ZKSCAN2: variants seen among roughly 807,000 people sequenced by gnomAD.
ZKSCAN2 encodes zinc finger with KRAB and SCAN domains 2.
Under a neutral mutation model 90.5 loss-of-function variants are expected in ZKSCAN2, and 38 were observed. The ratio of observed to expected loss-of-function variants is 0.42; its 90% CI spans 0.32 to 0.55. The LOEUF (loss-of-function observed/expected upper bound fraction) is 0.55. ZKSCAN2 is among the 20% of genes least tolerant of loss of function. The pLI is 0.11. For synonymous variants in ZKSCAN2, 429 were observed against 421.6 expected (o/e 1.02, Z -0.22); for missense variants, 1,167 against 1,202.6 (o/e 0.97, Z 0.44).
chr16:25,256,887 T>C lies in ZKSCAN2; in HGVS notation c.241A>G (p.Lys81Glu). ...ACCAGCAGCTCAAGTATTTGCTCCT[T>C]GGAACGCATTTCTGGCTTCAGCCAC... Reference protein sequence around the residue: ...CRWLKPEMRSKEQILELLVIE... With the variant: ...CRWLKPEMRSEEQILELLVIE... The change falls in exon 1 of 7, where the codon AAG becomes GAG. Residue 81 changes from lysine to glutamate, a missense_variant. Transcript: ENST00000328086. 6.2e-7 allele frequency: 1 copy of C among 1,614,224 alleles called. No homozygotes were observed. Among genetic ancestry groups the C allele is most frequent in the Non-Finnish European group, 8.5e-7 (1 of 1,180,044 alleles).
Position 25,240,702 on chromosome 16 carries a change from G to T in ZKSCAN2, c.2018C>A (p.Thr673Lys). The change falls in exon 7 of 7, where the codon ACA becomes AAA. Residue 673 changes from threonine (T) to lysine (K), a missense_variant. Coordinates refer to ENST00000328086, the MANE Select transcript of ZKSCAN2 (RefSeq NM_001012981.5). ...EIGSSIKEDP[T>K]QIVYKDMEQH... ...TTCCATGTCCTTATATACTATCTGT[G>T]TTGGATCCTCCTTGATGCTACTTCC... 1 of 1,611,490 alleles carries T rather than the reference G, an allele frequency of 6.2e-7. No homozygotes were observed. Among genetic ancestry groups the T allele is most frequent in the Non-Finnish European group, 8.5e-7 (1 of 1,178,030 alleles).
At chr16:25,244,339 T>G in intron 5 of ZKSCAN2, 63 bp from the exon 6 acceptor site, 1 of 1,517,920 alleles carries the variant, frequency 6.6e-7, no homozygotes. Context: ...CTCTATACTA[T>G]ATACATTAAG....
chr16:25,237,120 G>C lies in ZKSCAN2; in HGVS notation c.*2696C>G, dbSNP rs1424754684. ...GCGCTTAGGATCAGAGCTTTCCTTG[G>C]CACTGAGATCTAGATAAAAAAACCT... On this transcript the variant is annotated 3_prime_UTR_variant, in exon 7 of 7. Transcript: ENST00000328086. The C allele has an allele frequency of 6.6e-6, 1 of 152,482 alleles. No individual in the cohort carries two copies. Among genetic ancestry groups the C allele is most frequent in the Non-Finnish European group, 1.5e-5 (1 of 68,026 alleles). 9.4% of individuals were successfully genotyped at this position (152,482 alleles called of 1,614,324 possible).
chr16:25,255,434 C>A lies in ZKSCAN2; in HGVS notation c.400-42G>T, dbSNP rs368984371. 442 of 1,565,804 alleles carry A rather than the reference C, an allele frequency of 2.8e-4. 1 individual carries two copies. The highest frequency in any genetic ancestry group is 3.4e-4 in the Non-Finnish European group (400 of 1,166,210). On this transcript the variant is annotated intron_variant, in intron 1 of 6. Coordinates refer to ENST00000328086, the MANE Select transcript of ZKSCAN2 (RefSeq NM_001012981.5). The stretch of plus-strand genomic sequence containing the variant: ...ATACCATAAGAGGGAGTAAAACAGG[C>A]CCATATCAGGGCGAAATTCTCCCAG...
At chr16:25,255,437 A>T (rs770968744) in intron 1 of ZKSCAN2, 45 bp from the exon 2 acceptor site, 1 of 1,559,586 alleles carries the variant, frequency 6.4e-7, no homozygotes, top group Non-Finnish European at 8.6e-7. Flanking sequence ...AAACAGGCCC[A>T]TATCAGGGCG....
chr16:25,236,311 G>A lies in ZKSCAN2; in HGVS notation c.*3505C>T, dbSNP rs1005174180. On this transcript the variant is annotated 3_prime_UTR_variant, in exon 7 of 7. Transcript: ENST00000328086. ...AGGTGCTTGGGGGGTGCCTGCTGTG[G>A]ACCACGAGGGACTTGCCCTTTCTCC... 6.6e-6 allele frequency: 1 copy of A among 152,272 alleles called. No homozygotes were observed. Among genetic ancestry groups the A allele is most frequent in the African/African-American group, 2.4e-5 (1 of 41,448 alleles). The allele number at this position is 152,272 out of a possible 1,614,324, so 9.4% of individuals were successfully genotyped here.
chr16:25,245,792 TTATCTC>T (rs1962925044), intron 5 of ZKSCAN2, among the ~76,000 whole-genome samples: 1 of 151,878 alleles, frequency 6.6e-6, no homozygotes, highest in African/African-American at 2.4e-5. Flanking sequence ...AAAAAAGAAT[TTATCTC>T]TAGCTGGAGT....
rs946306229 is a variant in ZKSCAN2 at position 25,257,240 on chromosome 16, C to T, written c.-113G>A. On this transcript the variant is annotated 5_prime_UTR_variant, in exon 1 of 7. Transcript: ENST00000328086. ...GTGTGATAAGGTACGGAGGTAAAAA[C>T]GGCCAGGTCGGCAGGAACAGGGTAT... 9 of 1,493,986 alleles carry T rather than the reference C, an allele frequency of 6.0e-6. No individual in the cohort carries two copies. In the African/African-American group the frequency reaches 8.4e-5, roughly 14 times the overall value. The allele number at this position is 1,493,986 out of a possible 1,614,324, so 92.5% of individuals were successfully genotyped here.
chr16:25,249,678 ATC>A (rs1962989464), intron 4 of ZKSCAN2, among the ~76,000 whole-genome samples: 1 of 152,214 alleles, frequency 6.6e-6, no homozygotes. Flanking sequence ...CACAATTATT[ATC>A]TGTCAATTAA....
At chr16:25,245,489 G>T (rs767965727) in intron 5 of ZKSCAN2, among the ~76,000 whole-genome samples, 18 of 152,164 alleles carry the variant, frequency 1.2e-4, no homozygotes, top group Non-Finnish European at 1.8e-4. Flanking sequence ...TTATAGGCTG[G>T]GTGCGGTGGC....
In ZKSCAN2 at chr16:25,240,740, T is replaced by C; in HGVS notation, c.1982-2A>G. ...TGATGCTACTTCCGATTTCAAAATC[T>C]GAAAAAATGAAAGACAATACAAATT... On this transcript the variant is annotated splice_acceptor_variant, in intron 6 of 6. Coordinates refer to ENST00000328086, the MANE Select transcript of ZKSCAN2 (RefSeq NM_001012981.5). LOFTEE classifies it high-confidence loss of function. The C allele has an allele frequency of 1.3e-6, 2 of 1,597,634 alleles. No homozygotes were observed. The highest frequency in any genetic ancestry group is 1.7e-6 in the Non-Finnish European group (2 of 1,171,116).
chr16:25,251,731 A>T (rs573716441), intron 4 of ZKSCAN2, among the ~76,000 whole-genome samples, 178 bp downstream of exon 4: 2 of 152,232 alleles, frequency 1.3e-5, no homozygotes, highest in East Asian at 1.9e-4. Context: ...TATTATTATT[A>T]TTTTTTTACT....
intron 1 of ZKSCAN2, 60 bp from the exon 2 acceptor site, chr16:25,255,452 T>C: frequency 6.6e-7 from 1 of 1,525,070 alleles, no homozygotes; most frequent in Non-Finnish European, 8.8e-7. Flanking sequence ...AGGGCGAAAT[T>C]CTCCCAGGAA....
At chr16:25,244,965 A>G (rs1311565166) in intron 5 of ZKSCAN2, among the ~76,000 whole-genome samples, 2 of 152,174 alleles carry the variant, frequency 1.3e-5, no homozygotes, top group Non-Finnish European at 2.9e-5. Flanking sequence ...TCTATCCTCT[A>G]TCTTACTAGG....
intron 5 of ZKSCAN2, among the ~76,000 whole-genome samples, chr16:25,245,040 T>G (rs989315080): frequency 6.6e-6 from 1 of 152,178 alleles, no homozygotes; most frequent in African/African-American, 2.4e-5. Flanking sequence ...CCCAGCCTCA[T>G]GTTGATGGAT....
intron 4 of ZKSCAN2, among the ~76,000 whole-genome samples, chr16:25,250,116 C>T (rs938743724): frequency 6.6e-6 from 1 of 152,156 alleles, no homozygotes; most frequent in African/African-American, 2.4e-5. Flanking sequence ...CGAGACCAAC[C>T]TGGCCAATAT....
In ZKSCAN2 at chr16:25,244,101, T is replaced by C; in HGVS notation, c.1665A>G (p.Lys555=). The change falls in exon 6 of 7, where the codon AAA becomes AAG. Residue 555 remains lysine (K), a synonymous_variant. Coordinates refer to ENST00000328086, the MANE Select transcript of ZKSCAN2 (RefSeq NM_001012981.5). ...CCTTGCGGTAACTCTTCTGAAGGCT[T>C]TTGAACTTGGTTCGGCACTGTTCTG... ...RTPEQCRTKF[K]SLQKSYRKVK... The C allele has an allele frequency of 1.2e-6, 2 of 1,614,180 alleles. No homozygotes were observed. The highest frequency in any genetic ancestry group is 1.7e-6 in the Non-Finnish European group (2 of 1,180,044).
Position 25,255,329 on chromosome 16 carries a change from A to C in ZKSCAN2, c.463T>G (p.Phe155Val), listed in dbSNP as rs767031341. The C allele has an allele frequency of 1.4e-5, 22 of 1,613,514 alleles. No homozygotes were observed. Among genetic ancestry groups the C allele is most frequent in the Admixed American group, 3.3e-5 (2 of 59,946 alleles). The change falls in exon 2 of 7, where the codon TTC becomes GTC. Residue 155 changes from phenylalanine to valine, a missense_variant. Phe to Val is a conservative substitution (Grantham distance 50, BLOSUM62 -1). Coordinates refer to ENST00000328086, the MANE Select transcript of ZKSCAN2 (RefSeq NM_001012981.5). ...PLGAAWEVADFQPEQVETQPR... is the reference protein window; with the variant it reads ...PLGAAWEVADVQPEQVETQPR... ...TGGGTCTCCACCTGCTCTGGCTGGA[A>C]GTCTGCCACCTCCCACGCTGCTCCA...
intron 4 of ZKSCAN2, among the ~76,000 whole-genome samples, chr16:25,250,971 G>C (rs989037706): frequency 6.6e-6 from 1 of 152,050 alleles, no homozygotes; most frequent in African/African-American, 2.4e-5. Context: ...GGTCATGCTG[G>C]TGTTGAACTC....
Sources: allele counts gnomAD v4.1 joint callset (sites outside exome capture counted in the v4.1 genomes callset), GRCh38; gene constraint gnomAD v4.1.1; transcripts MANE v1.5; gene names NCBI Gene and HGNC (gene_info 2026-07-23, HGNC 2026-07-21).